MGMT: variants seen among roughly 807,000 people sequenced by gnomAD.
The protein encoded by MGMT is O-6-methylguanine-DNA methyltransferase, also known as methylated-DNA--protein-cysteine methyltransferase.
A neutral mutation model predicts 15.9 loss-of-function variants in MGMT; 14 were observed. The observed-to-expected ratio is 0.88, with a 90% confidence interval of 0.58 to 1.37. MGMT has a LOEUF of 1.37. Among genes scored for constraint, MGMT ranks in the 40% most tolerant of loss-of-function variants. The pLI is 0.00. For missense variants in MGMT, 282 were observed against 268.1 expected, an observed-to-expected ratio of 1.05 and a Z score of -0.36; for synonymous variants, 130 against 118.2, an observed-to-expected ratio of 1.10 and a Z score of -0.65.
chr10:129,657,727 ACC>A (rs1491444608), intron 2 of MGMT, among the ~76,000 whole-genome samples: 2,642 of 138,162 alleles, frequency 0.019, 84 homozygotes, highest in Non-Finnish European at 0.024. Context: ...ACACACACAC[ACC>A]CCCTCTCCCC....
chr10:129,708,466 G>A (rs929587574), intron 3 of MGMT, among the ~76,000 whole-genome samples: 1 of 152,168 alleles, frequency 6.6e-6, no homozygotes, highest in Non-Finnish European at 1.5e-5. Flanking sequence ...TTACATCATA[G>A]CAGGTAGCAG....
intron 2 of MGMT, among the ~76,000 whole-genome samples, chr10:129,623,251 G>T (rs189015545): frequency 2.8e-4 from 42 of 152,306 alleles, no homozygotes; most frequent in South Asian, 1.2e-3. Flanking sequence ...ACTGTGAACA[G>T]ACAAGTTTGC....
chr10:129,601,903 C>T (rs1196435912), intron 2 of MGMT, among the ~76,000 whole-genome samples: 3 of 151,972 alleles, frequency 2.0e-5, no homozygotes, highest in South Asian at 2.1e-4. Context: ...GTTTTGTCGC[C>T]GTGGTACATT....
intron 2 of MGMT, among the ~76,000 whole-genome samples, chr10:129,661,323 G>A (rs11016857): frequency 0.38 from 57,672 of 151,810 alleles, 11,796 homozygotes; most frequent in South Asian, 0.46. Context: ...TTGTTTGGCC[G>A]AAGGGCATAC....
chr10:129,481,005 A>G (rs974245708), intron 1 of MGMT, among the ~76,000 whole-genome samples: 11 of 152,344 alleles, frequency 7.2e-5, no homozygotes, highest in African/African-American at 2.4e-4. Context: ...CAGAATGTTT[A>G]GAAGGTCAAG....
chr10:129,696,667 A>G (rs1333893268), intron 2 of MGMT, among the ~76,000 whole-genome samples: 3 of 152,170 alleles, frequency 2.0e-5, no homozygotes, highest in African/African-American at 7.2e-5. Context: ...TGTCTTGTCT[A>G]CCCATTCGCT....
At chr10:129,651,781 C>A (rs774694475) in intron 2 of MGMT, among the ~76,000 whole-genome samples, 1 of 152,138 alleles carries the variant, frequency 6.6e-6, no homozygotes, top group Non-Finnish European at 1.5e-5. Context: ...AAAGGAAGAA[C>A]GGCCCTGCAG....
intron 2 of MGMT, among the ~76,000 whole-genome samples, chr10:129,678,332 A>G (rs1320368263): frequency 2.6e-5 from 4 of 151,882 alleles, no homozygotes. Flanking sequence ...TGTCAGGGAC[A>G]CTTTTCCAGG....
intron 2 of MGMT, among the ~76,000 whole-genome samples, chr10:129,681,125 A>G (rs1293490926): frequency 6.6e-6 from 1 of 152,158 alleles, no homozygotes; most frequent in Non-Finnish European, 1.5e-5. Flanking sequence ...AGGAAGCACC[A>G]TGCAGGCGGC....
At chr10:129,754,327 A>G (rs1257095300) in intron 3 of MGMT, among the ~76,000 whole-genome samples, 1 of 152,010 alleles carries the variant, frequency 6.6e-6, no homozygotes, top group Non-Finnish European at 1.5e-5. Flanking sequence ...CTATTACTAA[A>G]CCTCAATCTG....
At chr10:129,568,040 A>C (rs531366702) in intron 2 of MGMT, among the ~76,000 whole-genome samples, 3 of 152,352 alleles carry the variant, frequency 2.0e-5, no homozygotes, top group African/African-American at 7.2e-5. Context: ...ACATTAAAAC[A>C]AAATAAACAA....
intron 2 of MGMT, among the ~76,000 whole-genome samples, chr10:129,645,125 T>G (rs1304092916): frequency 1.3e-5 from 2 of 149,848 alleles, no homozygotes; most frequent in African/African-American, 4.9e-5. Context: ...GCCCTTTTTT[T>G]TTTTTTTTTT....
chr10:129,496,001 A>G (rs1589835547), intron 1 of MGMT, among the ~76,000 whole-genome samples: 1 of 152,158 alleles, frequency 6.6e-6, no homozygotes, highest in South Asian at 2.1e-4. Flanking sequence ...GCGGCTGGGG[A>G]CTGGCACTCG....
intron 2 of MGMT, among the ~76,000 whole-genome samples, chr10:129,560,229 G>A (rs1048355390): frequency 2.0e-5 from 3 of 152,162 alleles, no homozygotes; most frequent in Admixed American, 6.5e-5. Flanking sequence ...AACGAGGATC[G>A]TTTGAATATA....
intron 2 of MGMT, among the ~76,000 whole-genome samples, chr10:129,590,154 A>C (rs1846665831): frequency 6.6e-6 from 1 of 152,212 alleles, no homozygotes; most frequent in Non-Finnish European, 1.5e-5. Flanking sequence ...GCAGGCCCAC[A>C]TTCTCTGCTA....
At chr10:129,512,910 C>CA (rs1181875428) in intron 1 of MGMT, among the ~76,000 whole-genome samples, 2 of 151,916 alleles carry the variant, frequency 1.3e-5, no homozygotes, top group Non-Finnish European at 2.9e-5. Flanking sequence ...GACATACCCC[C>CA]CAAAATTGAA....
intron 2 of MGMT, among the ~76,000 whole-genome samples, chr10:129,681,323 T>C (rs1387458523): frequency 6.6e-6 from 1 of 152,186 alleles, no homozygotes; most frequent in Non-Finnish European, 1.5e-5. Flanking sequence ...CACGTTTTCC[T>C]TAGTATGGCT....
chr10:129,623,861 A>G (rs1039545415), intron 2 of MGMT, among the ~76,000 whole-genome samples: 1 of 152,196 alleles, frequency 6.6e-6, no homozygotes, highest in Non-Finnish European at 1.5e-5. Context: ...CCATTTGTAT[A>G]CTAGGGGAGA....
intron 3 of MGMT, among the ~76,000 whole-genome samples, chr10:129,728,166 G>A (rs746860118): frequency 1.3e-5 from 2 of 152,208 alleles, no homozygotes; most frequent in African/African-American, 2.4e-5. Context: ...GGACAAGGGG[G>A]ACCTGAAGCA....
Sources: gnomAD v4.1 joint callset for allele counts (sites outside exome capture counted in the v4.1 genomes callset) on GRCh38, gnomAD v4.1.1 for gene constraint, MANE v1.5 for transcripts, NCBI Gene and HGNC (gene_info 2026-07-23, HGNC 2026-07-21) for gene names.